Variants in ATP8B3 observed in about 807,000 individuals in gnomAD.
ATP8B3 encodes phospholipid-transporting ATPase IK.
A neutral mutation model predicts 140.9 loss-of-function variants in ATP8B3; 141 were observed. The ratio of observed to expected loss-of-function variants is 1.00; its 90% CI spans 0.87 to 1.15. The LOEUF is 1.15. ATP8B3 is among the 50% of genes most tolerant of loss of function. ATP8B3 has a pLI of 0.00. For missense variants in ATP8B3, 1,874 were observed against 1,740.6 expected (o/e 1.08, Z -1.36); for synonymous variants, 765 against 714.6 (o/e 1.07, Z -1.13).
Position 1,805,293 on chromosome 19 carries a change from C to T in ATP8B3, c.904+81G>A, listed in dbSNP as rs1414023214. On this transcript the variant is annotated intron_variant, in intron 10 of 28. Coordinates refer to ENST00000310127, the MANE Select transcript of ATP8B3 (RefSeq NM_138813.4). The surrounding 1 kb of genome is among the most constrained non-coding windows in gnomAD (Gnocchi z 5.2). ...CCTGGCCAGCACCTTGTTTTAAAAA[C>T]AGTAATAACAACAACAAAATACCCT... is the stretch of plus-strand genomic sequence containing the variant. The T allele has an allele frequency of 7.3e-7, 1 of 1,370,568 alleles. No homozygotes were observed. Among genetic ancestry groups the T allele is most frequent in the East Asian group, 2.5e-5 (1 of 39,964 alleles). 84.9% of individuals were successfully genotyped at this position (1,370,568 alleles called of 1,614,324 possible).
rs376406444 is a variant in ATP8B3 at position 1,811,554 on chromosome 19, C to T, written c.183G>A (p.Gly61=). The T allele has an allele frequency of 1.9e-6, 3 of 1,612,262 alleles. No individual in the cohort carries two copies. The highest frequency in any genetic ancestry group is 2.7e-5 in the African/African-American group (2 of 74,934). ...RAGMGDSPGR[G]APERRHKAQP... is the part of the protein sequence containing the mutation. Reference sequence around the variant, plus strand: ...GGGCCTTGTGCCTCCTCTCAGGTGCCCCTCTGCCTGGGGAGTCTCCCATCC... The same window carrying T: ...GGGCCTTGTGCCTCCTCTCAGGTGCTCCTCTGCCTGGGGAGTCTCCCATCC... The change falls in exon 2 of 29, where the codon GGG becomes GGA. Residue 61 remains glycine (G), a synonymous_variant. Coordinates refer to ENST00000310127, the MANE Select transcript of ATP8B3 (RefSeq NM_138813.4).
Position 1,805,426 on chromosome 19 carries a change from C to T in ATP8B3, c.852G>A (p.Leu284=). 1 of 1,565,760 alleles carries T rather than the reference C, an allele frequency of 6.4e-7. No homozygotes were observed. ...TGGCCAGTTCTTTGTGGGTGACCAT[C>T]AGGGCCTGTCTGAACTTCAAGTTGG... The part of the protein sequence containing the change: ...GETNLKFRQA[L]MVTHKELATI... Residue 284 remains leucine (L), a synonymous_variant, in exon 10 of 29, where the codon CTG becomes CTA. Transcript: ENST00000310127. The surrounding 1 kb of genome is among the most constrained non-coding windows in gnomAD (Gnocchi z 5.2).
At position 1,808,262 on chromosome 19, in the gene ATP8B3, CG is replaced by C; in HGVS notation, c.475del (p.Arg159AlafsTer64). 6.2e-7 allele frequency: 1 copy of C among 1,612,858 alleles called. No individual in the cohort carries two copies. The highest frequency in any genetic ancestry group is 2.2e-5 in the East Asian group (1 of 44,886). On this transcript the variant is annotated frameshift_variant, in exon 5 of 29. Transcript: ENST00000310127. LOFTEE classifies it high-confidence loss of function. ...LPLNLYEQFH[R>X]VSNLFFLIII... is the part of the protein sequence containing the mutation. ...GATGAGGAAGAACAGGTTGGACACG[CG>C]GTGGAACTGCTCGTACAGGTTCAGC...
At chr19:1,793,101 G>A (rs912381991) in intron 18 of ATP8B3, among the ~76,000 whole-genome samples, 26 of 146,322 alleles carry the variant, frequency 1.8e-4, no homozygotes, top group Admixed American at 5.5e-4. Flanking sequence ...TTTTTTTCTC[G>A]GGGGTGGGGG....
intron 14 of ATP8B3, chr19:1,799,441 G>A (rs1269986062): frequency 8.4e-5 from 15 of 179,328 alleles, no homozygotes; most frequent in Admixed American, 6.3e-5. Context: ...CCTGGGCAAC[G>A]AGAGCAAAAC....
rs369853245 is a variant in ATP8B3 at position 1,796,183 on chromosome 19, G to A, written c.1836C>T (p.Ser612=). Residue 612 remains serine (S), a synonymous_variant, in exon 17 of 29, where the codon TCC becomes TCT. Coordinates refer to ENST00000310127, the MANE Select transcript of ATP8B3 (RefSeq NM_138813.4). ...TGATCGTGACGGTGTCCTGGGTGCG[G>A]GACAGGAACACGTAGCCGAAGTTCC... ...AARNFGYVFL[S]RTQDTVTIME... 2.5e-6 allele frequency: 4 copies of A among 1,612,772 alleles called. No individual in the cohort carries two copies. The highest frequency in any genetic ancestry group is 2.7e-5 in the African/African-American group (2 of 74,922).
intron 4 of ATP8B3, 77 bp downstream of exon 4, chr19:1,809,566 G>C: frequency 7.8e-7 from 1 of 1,289,742 alleles, no homozygotes; most frequent in Non-Finnish European, 1.1e-6. Flanking sequence ...CAGGACTCAG[G>C]AGGAGCAAAA....
intron 25 of ATP8B3, among the ~76,000 whole-genome samples, chr19:1,786,628 C>T (rs1039418863): frequency 1.3e-5 from 2 of 151,926 alleles, no homozygotes; most frequent in Non-Finnish European, 2.9e-5. Context: ...GTCCCTGGGT[C>T]ACACCAGCCG....
intron 23 of ATP8B3, 37 bp from the exon 24 acceptor site, chr19:1,789,157 C>G (rs1230305215): frequency 1.6e-6 from 2 of 1,273,302 alleles, no homozygotes; most frequent in Non-Finnish European, 2.1e-6. Context: ...CCCCCGCACG[C>G]CCCCAGTCCC....
At position 1,807,752 on chromosome 19, in the gene ATP8B3, G is replaced by T. The variant is rs1309150513; in HGVS notation, c.516+470C>A. On this transcript the variant is annotated intron_variant, in intron 5 of 28. Coordinates refer to ENST00000310127, the MANE Select transcript of ATP8B3 (RefSeq NM_138813.4). This position sits in a 1 kb window ranked among gnomAD's most constrained non-coding sequence, Gnocchi z 5.9. ...AACAGAAATGAGATGTTGGGTGAGA[G>T]TGTTTGCTCTGAAAACAGCGCCCCT... is the stretch of plus-strand genomic sequence containing the variant. 6.6e-6 allele frequency among the ~76,000 whole-genome samples: 1 copy of T among 152,288 alleles called. No homozygotes were observed. Among genetic ancestry groups the T allele is most frequent in the Non-Finnish European group, 1.5e-5 (1 of 68,052 alleles).
intron 3 of ATP8B3, among the ~76,000 whole-genome samples, chr19:1,810,257 G>A (rs948632717): frequency 3.3e-5 from 5 of 152,160 alleles, no homozygotes; most frequent in African/African-American, 1.2e-4. Context: ...CCTCAGCCCT[G>A]CACTTTTTTC....
At position 1,791,864 on chromosome 19, in the gene ATP8B3, G is replaced by T; in HGVS notation, c.2191-3C>A. The T allele has an allele frequency of 6.2e-7, 1 of 1,610,364 alleles. No individual in the cohort carries two copies. Among genetic ancestry groups the T allele is most frequent in the Non-Finnish European group, 8.5e-7 (1 of 1,179,456 alleles). On this transcript the variant is annotated splice_polypyrimidine_tract_variant and splice_region_variant and intron_variant, in intron 19 of 28. Transcript: ENST00000310127. ...TCGATGGCTGTGGCTCCCAGCAGCT[G>T]GTGGGGGAGGAGGGCAGGGCGGGGA... is the stretch of plus-strand genomic sequence containing the variant.
In ATP8B3 at chr19:1,806,198, C is replaced by T. The variant is rs1278587247; in HGVS notation, c.678-29G>A. The T allele has an allele frequency of 1.9e-6, 3 of 1,563,976 alleles. No homozygotes were observed. The highest frequency in any genetic ancestry group is 8.7e-7 in the Non-Finnish European group (1 of 1,155,798). ...CGGGGAGAGGGGGTTGTGAAGGAGG[C>T]CCCTCCCTCTGCCAACCCTCCCCAC... On this transcript the variant is annotated intron_variant, in intron 7 of 28. Coordinates refer to ENST00000310127, the MANE Select transcript of ATP8B3 (RefSeq NM_138813.4). This position sits in a 1 kb window ranked among gnomAD's most constrained non-coding sequence, Gnocchi z 5.6.
rs919864628 is a variant in ATP8B3 at position 1,807,103 on chromosome 19, G to A, written c.615+65C>T. The A allele has an allele frequency of 9.1e-6, 13 of 1,435,158 alleles. No individual in the cohort carries two copies. Among genetic ancestry groups the A allele is most frequent in the East Asian group, 6.8e-5 (3 of 43,860 alleles). 88.9% of individuals were successfully genotyped at this position (1,435,158 alleles called of 1,614,324 possible). A position where few individuals can be genotyped will look rare whatever the true frequency, so the allele number is the denominator to read the frequency against. On this transcript the variant is annotated intron_variant, in intron 6 of 28. Coordinates refer to ENST00000310127, the MANE Select transcript of ATP8B3 (RefSeq NM_138813.4). This position sits in a 1 kb window ranked among gnomAD's most constrained non-coding sequence, Gnocchi z 5.9. ...AGCCCTCCTCCCACTCTCGCCCAGG[G>A]ATCAAGAGACCCCCCCGACCGGCCC...
rs1338629108 is a variant in ATP8B3, at chr19:1,787,174, C to T, written c.3082G>A (p.Gly1028Arg). 5 of 1,610,004 alleles carry T rather than the reference C, an allele frequency of 3.1e-6. No homozygotes were observed. Among genetic ancestry groups the T allele is most frequent in the Non-Finnish European group, 4.2e-6 (5 of 1,178,020 alleles). Residue 1028 changes from glycine (G) to arginine (R), a missense_variant, in exon 25 of 29, where the codon GGA (glycine) becomes AGA (arginine). This residue lies in a region of ATP8B3 where 840 missense variants were observed against 760.9 expected (regional missense o/e 1.10). Transcript: ENST00000310127. ...AGGTTGAAAAGAGCCAGGAACCATC[C>T]TTCATACAGGGGCTGAGCCGGGGGA... is the stretch of plus-strand genomic sequence containing the variant. ...NGFTGQPLYE[G>R]WFLALFNLLY...
intron 26 of ATP8B3, 85 bp from the exon 27 acceptor site, chr19:1,785,382 G>C: frequency 6.4e-7 from 1 of 1,556,502 alleles, no homozygotes; most frequent in Non-Finnish European, 8.7e-7. Flanking sequence ...AAGGGCACCT[G>C]GCAATGCCCC....
intron 16 of ATP8B3, 115 bp downstream of exon 16, chr19:1,796,595 GC>G: frequency 7.5e-7 from 1 of 1,341,536 alleles, no homozygotes; most frequent in Non-Finnish European, 9.9e-7. Flanking sequence ...CGGCCTCAGC[GC>G]CCCCCAAGCC....
intron 24 of ATP8B3, among the ~76,000 whole-genome samples, chr19:1,788,246 C>T (rs565585227): frequency 6.6e-6 from 1 of 152,320 alleles, no homozygotes; most frequent in South Asian, 2.1e-4. Context: ...CGCTCAGAGT[C>T]TGGACCAGAG....
chr19:1,796,031 G>C, intron 17 of ATP8B3, 44 bp from the exon 18 acceptor site: 11 of 1,611,376 alleles, frequency 6.8e-6, no homozygotes, highest in Non-Finnish European at 9.3e-6. Context: ...CTCCCCGTCT[G>C]CCCGCCCCAC....
Sources: gnomAD v4.1 joint callset for allele counts (sites outside exome capture counted in the v4.1 genomes callset) on GRCh38, gnomAD v4.1.1 for gene constraint, gnomAD v4.1.1 regional missense constraint, Gnocchi (gnomAD v3.1) non-coding constraint, MANE v1.5 for transcripts, NCBI Gene and HGNC (gene_info 2026-07-23, HGNC 2026-07-21) for gene names.